Variants in ADAM12 observed in about 807,000 individuals in gnomAD.
The protein encoded by ADAM12 is disintegrin and metalloproteinase domain-containing protein 12.
Under a neutral mutation model 106.4 loss-of-function variants are expected in ADAM12, and 70 were observed. That is an observed-to-expected ratio of 0.66 (90% CI 0.54 to 0.80). The LOEUF is 0.80. Among genes scored for constraint, ADAM12 ranks in the 30% least tolerant of loss-of-function variants. ADAM12 has a pLI of 0.00. For synonymous variants in ADAM12, 420 were observed against 433.5 expected (o/e 0.97, Z 0.39); for missense variants, 1,010 against 1,171.9 (o/e 0.86, Z 2.02).
intron 14 of ADAM12, among the ~76,000 whole-genome samples, chr10:126,055,577 T>G (rs975463538): frequency 3.3e-5 from 5 of 152,144 alleles, no homozygotes; most frequent in African/African-American, 1.2e-4. Flanking sequence ...TTGCCGAAGA[T>G]CACAATGTAA....
chr10:126,110,565 G>A (rs143082708), intron 6 of ADAM12, among the ~76,000 whole-genome samples: 34 of 152,272 alleles, frequency 2.2e-4, no homozygotes, highest in African/African-American at 7.5e-4. Context: ...TGGAGAACAG[G>A]GATTTCGTAA....
chr10:126,230,560 C>A (rs1447506560), intron 3 of ADAM12, among the ~76,000 whole-genome samples: 6 of 152,170 alleles, frequency 3.9e-5, no homozygotes, highest in Admixed American at 1.3e-4. Context: ...CCATCAACAC[C>A]GAATTGTAGT....
intron 1 of ADAM12, among the ~76,000 whole-genome samples, chr10:126,373,948 A>T (rs899743295): frequency 6.6e-6 from 1 of 152,128 alleles, no homozygotes; most frequent in African/African-American, 2.4e-5. Context: ...AAGTCAGAGA[A>T]CTCTAGCTAG....
intron 12 of ADAM12, chr10:126,070,402 T>C (rs1461977016): frequency 2.0e-5 from 3 of 152,266 alleles, no homozygotes; most frequent in South Asian, 2.1e-4. Flanking sequence ...TCCAGCGTTC[T>C]TGCAGAAACT....
intron 3 of ADAM12, among the ~76,000 whole-genome samples, chr10:126,183,537 A>G (rs1957350825): frequency 6.6e-6 from 1 of 152,272 alleles, no homozygotes; most frequent in South Asian, 2.1e-4. Context: ...TGAAACAGCC[A>G]TCTGGGGCAA....
chr10:126,231,865 C>A (rs764800749), intron 3 of ADAM12, among the ~76,000 whole-genome samples: 2 of 152,336 alleles, frequency 1.3e-5, no homozygotes, highest in African/African-American at 2.4e-5. Flanking sequence ...CATGTCTTCT[C>A]TCTTTAGGTG....
chr10:126,037,996 T>C (rs1475913961), intron 20 of ADAM12, among the ~76,000 whole-genome samples: 1 of 152,016 alleles, frequency 6.6e-6, no homozygotes, highest in African/African-American at 2.4e-5. Flanking sequence ...CACACTATGC[T>C]GCACCATATC....
chr10:126,211,117 C>T (rs1957893152), intron 3 of ADAM12, among the ~76,000 whole-genome samples: 1 of 152,130 alleles, frequency 6.6e-6, no homozygotes, highest in Non-Finnish European at 1.5e-5. Context: ...ATGGGAGCTG[C>T]TCTCGCCATT....
chr10:126,319,966 C>T (rs946593493), intron 2 of ADAM12, among the ~76,000 whole-genome samples: 4 of 152,138 alleles, frequency 2.6e-5, no homozygotes, highest in South Asian at 2.1e-4. Flanking sequence ...TTGGGAGACA[C>T]GTGTTTCCTT....
intron 21 of ADAM12, 132 bp downstream of exon 21, chr10:126,036,014 A>T (rs187685033): frequency 1.3e-6 from 1 of 762,586 alleles, no homozygotes; most frequent in African/African-American, 1.8e-5. Flanking sequence ...TCATTTAACC[A>T]TCTGAGTAGC....
rs766957843 is a variant in ADAM12 at position 126,017,355 on chromosome 10, A to AG, written c.2661-17dup. ...TGGAGCAGGTCTGAATGAAGAGAGG[A>AG]GAAAAAAAAATGATCAGAGACCTTG... is the stretch of plus-strand genomic sequence containing the variant. On this transcript the variant is annotated splice_polypyrimidine_tract_variant and intron_variant, in intron 22 of 22. Coordinates refer to ENST00000448723, the MANE Select transcript of ADAM12 (RefSeq NM_001288973.2). The AG allele has an allele frequency of 1.2e-5, 19 of 1,566,200 alleles. No homozygotes were observed. The highest frequency in any genetic ancestry group is 1.6e-5 in the Non-Finnish European group (18 of 1,154,136).
At chr10:126,094,799 G>A (rs1334858944) in intron 10 of ADAM12, among the ~76,000 whole-genome samples, 2 of 152,158 alleles carry the variant, frequency 1.3e-5, no homozygotes, top group African/African-American at 2.4e-5. Flanking sequence ...TTGGAAATGG[G>A]AGGTGTCCCG....
rs534854610 is a variant in ADAM12 at position 126,231,383 on chromosome 10, A to T, written c.260+47532T>A. Among the ~76,000 whole-genome samples, 16 of 139,968 alleles carry T rather than the reference A, an allele frequency of 1.1e-4. 1 individual carries two copies. The South Asian group carries it at 3.1e-3, about 27-fold the overall frequency. The allele number at this position is 139,968 out of a possible 152,430, so 91.8% of individuals were successfully genotyped here. On this transcript the variant is annotated intron_variant, in intron 3 of 22. Transcript: ENST00000448723. ...GGAAATAAGGCAACAGAAATAGAAG[A>T]TTAGTAGGAAAAAAAAAAAAGCACC... is the stretch of plus-strand genomic sequence containing the variant.
At chr10:126,178,408 C>CTT (rs10549268) in intron 3 of ADAM12, among the ~76,000 whole-genome samples, 3,662 of 103,478 alleles carry the variant, frequency 0.035, 73 homozygotes, top group African/African-American at 0.04. Context: ...TGGAGGACAT[C>CTT]TTTTTTTTTT....
intron 4 of ADAM12, among the ~76,000 whole-genome samples, chr10:126,143,402 G>T (rs1956559601): frequency 6.7e-6 from 1 of 148,354 alleles, no homozygotes; most frequent in Admixed American, 6.8e-5. Context: ...GTTTGTATAT[G>T]GTGTGCAGAT....
chr10:126,293,052 A>G (rs1960225406), intron 2 of ADAM12, among the ~76,000 whole-genome samples: 1 of 152,166 alleles, frequency 6.6e-6, no homozygotes, highest in Admixed American at 6.5e-5. Flanking sequence ...TTGCAGAACC[A>G]TTGTTGCTCG....
At chr10:126,206,996 C>A (rs149911942) in intron 3 of ADAM12, among the ~76,000 whole-genome samples, 1 of 152,208 alleles carries the variant, frequency 6.6e-6, no homozygotes, top group South Asian at 2.1e-4. Context: ...TCTTTTCTCT[C>A]GTCTGCTGCC....
At chr10:126,110,409 G>A (rs908941196) in intron 6 of ADAM12, among the ~76,000 whole-genome samples, 1 of 152,026 alleles carries the variant, frequency 6.6e-6, no homozygotes, top group Non-Finnish European at 1.5e-5. Flanking sequence ...AGAAGCAATG[G>A]AAGACCGGGG....
chr10:126,327,736 CA>C (rs1260366374), intron 2 of ADAM12, among the ~76,000 whole-genome samples: 1 of 152,032 alleles, frequency 6.6e-6, no homozygotes, highest in Non-Finnish European at 1.5e-5. Context: ...AAAAGAGTCA[CA>C]AAAAATTAAT....
Sources: gnomAD v4.1 joint callset for allele counts (sites outside exome capture counted in the v4.1 genomes callset) on GRCh38, gnomAD v4.1.1 for gene constraint, MANE v1.5 for transcripts, NCBI Gene and HGNC (gene_info 2026-07-23, HGNC 2026-07-21) for gene names.